SEC16B: variants seen among roughly 807,000 people sequenced by gnomAD.
SEC16B encodes protein transport protein Sec16B.
SEC16B carries 115 observed loss-of-function variants against 141.8 expected under a neutral mutation model. That is an observed-to-expected ratio of 0.81 (90% confidence interval 0.70 to 0.95). SEC16B has a LOEUF of 0.95. SEC16B is among the 40% of genes least tolerant of loss of function. The pLI is 0.00. For missense variants in SEC16B, 1,291 were observed against 1,312.3 expected (o/e 0.98, Z 0.25); for synonymous variants, 493 against 492.5 (o/e 1.00, Z -0.01).
chr1:177,967,172 C>T (rs1242028155), intron 2 of SEC16B, among the ~76,000 whole-genome samples: 2 of 152,170 alleles, frequency 1.3e-5, no homozygotes, highest in African/African-American at 4.8e-5. Context: ...AGTTCCCATT[C>T]ATTCAATACA....
chr1:177,944,303 G>C (rs1651504355), intron 15 of SEC16B, among the ~76,000 whole-genome samples: 1 of 152,210 alleles, frequency 6.6e-6, no homozygotes, highest in Non-Finnish European at 1.5e-5. Context: ...GGGGCGGCAG[G>C]CAGGACGTTC....
At chr1:177,943,113 G>A (rs79816383) in intron 15 of SEC16B, among the ~76,000 whole-genome samples, 3,234 of 152,186 alleles carry the variant, frequency 0.021, 57 homozygotes, top group East Asian at 0.051. Context: ...TGCCAGGCAC[G>A]CAGAAGCTAA....
chr1:177,953,026 A>G (rs1652326688), intron 11 of SEC16B, among the ~76,000 whole-genome samples: 1 of 132,262 alleles, frequency 7.6e-6, no homozygotes, highest in African/African-American at 2.9e-5. Flanking sequence ...TTTTTTTGAG[A>G]CCGAGTTTTG....
chr1:177,946,102 GT>G (rs1557974689), intron 14 of SEC16B: 1 of 567,022 alleles, frequency 1.8e-6, no homozygotes, highest in Non-Finnish European at 3.1e-6. Flanking sequence ...GTAAAATGTT[GT>G]TTTTTTAAAG....
intron 16 of SEC16B, among the ~76,000 whole-genome samples, chr1:177,941,577 G>A (rs1444815287): frequency 7.2e-5 from 11 of 152,116 alleles, no homozygotes; most frequent in Non-Finnish European, 1.5e-5. Context: ...TCTAAGCCCA[G>A]CTTTTATAAT....
intron 10 of SEC16B, among the ~76,000 whole-genome samples, chr1:177,957,175 A>G (rs1246471993): frequency 6.6e-6 from 1 of 152,166 alleles, no homozygotes; most frequent in Non-Finnish European, 1.5e-5. Context: ...AATCTGCCCT[A>G]AAAAATTTAA....
Position 177,933,320 on chromosome 1 carries a change from G to A in SEC16B, c.2725-8C>T, listed in dbSNP as rs376049500. 20 of 1,592,624 alleles carry A rather than the reference G, an allele frequency of 1.3e-5. No individual in the cohort carries two copies. The highest frequency in any genetic ancestry group is 1.7e-4 in the Middle Eastern group (1 of 6,060). On this transcript the variant is annotated splice_polypyrimidine_tract_variant and splice_region_variant and intron_variant, in intron 21 of 25. Transcript: ENST00000308284. Reference sequence around the variant, plus strand: ...CCAGCCAAACCCTGAGCTCTGGAAGGGGAAGAGGACATTTTATGACCTGCA... The same window carrying A: ...CCAGCCAAACCCTGAGCTCTGGAAGAGGAAGAGGACATTTTATGACCTGCA...
chr1:177,968,147 A>G (rs1004235520), intron 1 of SEC16B, 108 bp from the exon 2 acceptor site: 114 of 595,118 alleles, frequency 1.9e-4, no homozygotes, highest in South Asian at 6.0e-4. Context: ...AAATATATCT[A>G]AAACAAACCA....
At position 177,929,680 on chromosome 1, in the gene SEC16B, G is replaced by A. The variant is rs538869324; in HGVS notation, c.*178C>T. ...ATTGTGAAGCTAATCTTAAGAGACTGAATTGTGCTGTGTCTTGAGAGATCC... is the reference window on the plus strand; with the variant it reads ...ATTGTGAAGCTAATCTTAAGAGACTAAATTGTGCTGTGTCTTGAGAGATCC... On this transcript the variant is annotated 3_prime_UTR_variant, in exon 26 of 26. Transcript: ENST00000308284. 44 of 628,218 alleles carry A rather than the reference G, an allele frequency of 7.0e-5. 1 individual carries two copies. The Admixed American group carries it at 1.2e-3, about 17-fold the overall frequency. The allele number at this position is 628,218 out of a possible 1,614,324, so 38.9% of individuals were successfully genotyped here.
chr1:177,965,898 T>A lies in SEC16B; in HGVS notation c.407A>T (p.Glu136Val), dbSNP rs146424135. Residue 136 changes from glutamate to valine, a missense_variant, in exon 3 of 26, where the codon GAA becomes GTA. Transcript: ENST00000308284. Reference protein sequence around the residue: ...YHGHPQWLQEERVPRQRSPYI... With the variant: ...YHGHPQWLQEVRVPRQRSPYI... Reference sequence around the variant, plus strand: ...TCTTGGAGACTTTTCCATACCTCTTTCTTCCTGCAGCCACTGTGGGTGTCC... The same window carrying A: ...TCTTGGAGACTTTTCCATACCTCTTACTTCCTGCAGCCACTGTGGGTGTCC... 4.4e-6 allele frequency: 7 copies of A among 1,578,588 alleles called. No individual in the cohort carries two copies. In the East Asian group the frequency reaches 1.4e-4, roughly 31 times the overall value.
chr1:177,930,055 T>G (rs1650299762), intron 25 of SEC16B, 126 bp from the exon 26 acceptor site: 1 of 872,268 alleles, frequency 1.1e-6, no homozygotes, highest in African/African-American at 1.7e-5. Flanking sequence ...GGTTGTGTTC[T>G]AATTGCGTAC....
chr1:177,953,335 T>C (rs1652350937), intron 11 of SEC16B, among the ~76,000 whole-genome samples: 1 of 152,134 alleles, frequency 6.6e-6, no homozygotes, highest in Admixed American at 6.5e-5. Context: ...CAACCTCTAC[T>C]CAACAGGATT....
chr1:177,940,744 C>T, intron 16 of SEC16B, 30 bp from the exon 17 acceptor site: 2 of 1,524,012 alleles, frequency 1.3e-6, no homozygotes, highest in Non-Finnish European at 1.8e-6. Context: ...GGGTTAGGGG[C>T]AGAAAGTAAG....
In SEC16B at chr1:177,940,655, C is replaced by T. The variant is rs141576699; in HGVS notation, c.2082G>A (p.Arg694=). The T allele has an allele frequency of 2.4e-5, 39 of 1,613,910 alleles. No homozygotes were observed. In the East Asian group the frequency reaches 8.2e-4, roughly 34 times the overall value. The change falls in exon 17 of 26, where the codon AGG becomes AGA. Residue 694 remains arginine (R), a synonymous_variant. Coordinates refer to ENST00000308284, the MANE Select transcript of SEC16B (RefSeq NM_033127.4). Reference sequence around the variant, plus strand: ...GCGCTAGCCAATCTGGCTCCAGGTCCCTGTCTCCACTGCGTCTTTCTAAAA... The same window carrying T: ...GCGCTAGCCAATCTGGCTCCAGGTCTCTGTCTCCACTGCGTCTTTCTAAAA... ...PLVLERRSGD[R]DLEPDWLAQL...
intron 11 of SEC16B, 101 bp downstream of exon 11, chr1:177,954,178 G>A: frequency 1.3e-6 from 1 of 764,178 alleles, no homozygotes; most frequent in Non-Finnish European, 2.2e-6. Flanking sequence ...TGGAGTGTGA[G>A]TCTCCTTAGC....
chr1:177,961,064 G>T, intron 6 of SEC16B, 125 bp from the exon 7 acceptor site: 1 of 1,079,692 alleles, frequency 9.3e-7, no homozygotes, highest in Non-Finnish European at 1.3e-6. Context: ...GATTCTGGGT[G>T]GGTTGTGTAA....
intron 24 of SEC16B, among the ~76,000 whole-genome samples, chr1:177,931,000 A>G (rs922467049): frequency 2.0e-5 from 3 of 152,228 alleles, no homozygotes; most frequent in Non-Finnish European, 4.4e-5. Flanking sequence ...TACAACCTCT[A>G]TGAAAAACAG....
chr1:177,944,797 G>A lies in SEC16B; in HGVS notation c.1776-131C>T, dbSNP rs150525441. The A allele has an allele frequency of 5.2e-3, 3,439 of 657,848 alleles. 16 individuals are homozygous for A. The highest frequency in any genetic ancestry group is 6.8e-3 in the South Asian group (332 of 48,610). 40.8% of individuals were successfully genotyped at this position (657,848 alleles called of 1,614,324 possible). On this transcript the variant is annotated intron_variant, in intron 14 of 25. Transcript: ENST00000308284. ...CCATCCTGGGCTGATGCCTGCGGCG[G>A]CTTCAAGAGAAGAAGGAGACTCTGG... is the stretch of plus-strand genomic sequence containing the variant.
At chr1:177,941,876 C>G (rs1250237420) in intron 16 of SEC16B, 24 bp downstream of exon 16, 6 of 1,611,832 alleles carry the variant, frequency 3.7e-6, no homozygotes, top group Non-Finnish European at 4.2e-6. Flanking sequence ...AAAACAACTG[C>G]ACAGAACCCT....
Sources: gnomAD v4.1 joint callset for allele counts (sites outside exome capture counted in the v4.1 genomes callset) on GRCh38, gnomAD v4.1.1 for gene constraint, MANE v1.5 for transcripts, NCBI Gene and HGNC (gene_info 2026-07-23, HGNC 2026-07-21) for gene names.